The following CPED1 variants were observed in gnomAD, a reference collection of about 807,000 sequenced individuals.
CPED1 encodes the protein cadherin like and PC-esterase domain containing 1, also known as cadherin-like and PC-esterase domain-containing protein 1.
In CPED1, 114 loss-of-function variants were observed where a neutral mutation model predicts 128.2. That is an observed-to-expected ratio of 0.89 (90% CI 0.76 to 1.04). The LOEUF (loss-of-function observed/expected upper bound fraction) is 1.04, where lower values mean the gene tolerates loss of function less well. CPED1 is among the 50% of genes least tolerant of loss of function. CPED1 has a pLI of 0.00. For missense variants in CPED1, 1,211 were observed against 1,207.1 expected, an observed-to-expected ratio of 1.00 and a Z score of -0.05; for synonymous variants, 462 against 426.7, an observed-to-expected ratio of 1.08 and a Z score of -1.02.
intron 22 of CPED1, among the ~76,000 whole-genome samples, chr7:121,289,467 C>A (rs1463150071): frequency 6.6e-6 from 1 of 152,158 alleles, no homozygotes; most frequent in East Asian, 1.9e-4. Flanking sequence ...TGGTATAGAT[C>A]TTTACAGATT....
At chr7:121,133,793 A>G in intron 12 of CPED1, 30 bp from the exon 13 acceptor site, 1 of 1,485,186 alleles carries the variant, frequency 6.7e-7, no homozygotes, top group Non-Finnish European at 9.3e-7. Context: ...CATTTCATTA[A>G]TCCAGAGTTG....
chr7:121,162,723 A>T (rs1796439315), intron 16 of CPED1, among the ~76,000 whole-genome samples: 1 of 152,204 alleles, frequency 6.6e-6, no homozygotes, highest in South Asian at 2.1e-4. Flanking sequence ...GGTGTATTTT[A>T]GTTGTTACCT....
intron 7 of CPED1, among the ~76,000 whole-genome samples, chr7:121,109,377 T>G (rs181120425): frequency 6.6e-5 from 10 of 152,276 alleles, no homozygotes; most frequent in African/African-American, 2.4e-4. Flanking sequence ...CAAAACAATT[T>G]GTCCTTTCAC....
At chr7:121,224,072 T>G (rs912672753) in intron 16 of CPED1, among the ~76,000 whole-genome samples, 1 of 152,206 alleles carries the variant, frequency 6.6e-6, no homozygotes, top group African/African-American at 2.4e-5. Context: ...TTTAGATCTT[T>G]CCTGATTTCT....
At chr7:121,160,433 A>G (rs745350324) in intron 16 of CPED1, among the ~76,000 whole-genome samples, 1 of 152,148 alleles carries the variant, frequency 6.6e-6, no homozygotes, top group Non-Finnish European at 1.5e-5. Flanking sequence ...ATTGTTCATG[A>G]AGAGAGACTA....
chr7:121,130,821 A>G (rs1283298114), intron 12 of CPED1, among the ~76,000 whole-genome samples: 1 of 152,004 alleles, frequency 6.6e-6, no homozygotes, highest in Non-Finnish European at 1.5e-5. Context: ...TAGAAGGTAG[A>G]ATCTCAGAGG....
intron 16 of CPED1, among the ~76,000 whole-genome samples, chr7:121,176,565 AT>A (rs1257575740): frequency 6.6e-6 from 1 of 152,028 alleles, no homozygotes; most frequent in Non-Finnish European, 1.5e-5. Context: ...GAAAGGATTG[AT>A]TTATTAGCCA....
At chr7:121,160,116 A>T (rs199500131) in intron 16 of CPED1, among the ~76,000 whole-genome samples, 1 of 134,936 alleles carries the variant, frequency 7.4e-6, no homozygotes, top group Non-Finnish European at 1.6e-5. Context: ...GTTTTTTTTT[A>T]ATTTTTATTT....
intron 4 of CPED1, among the ~76,000 whole-genome samples, chr7:121,049,637 A>G (rs1449922212): frequency 2.0e-5 from 3 of 152,208 alleles, no homozygotes; most frequent in Admixed American, 2.0e-4. Flanking sequence ...CTTTTGCCTA[A>G]CAATACCCTT....
In CPED1 at chr7:121,142,780, G is replaced by T. The variant is rs556546632; in HGVS notation, c.2055+639G>T. On this transcript the variant is annotated intron_variant, in intron 16 of 22. Coordinates refer to ENST00000310396, the MANE Select transcript of CPED1 (RefSeq NM_024913.5). ...TTTTAAGGATCCCATGTATAACTTT[G>T]TACAGTTCCTCATATCATATACCCC... Among the ~76,000 whole-genome samples, 49 of 151,974 alleles carry T rather than the reference G, an allele frequency of 3.2e-4. 1 individual carries two copies. The highest frequency in any genetic ancestry group is 6.8e-3 in the Middle Eastern group (2 of 292).
intron 3 of CPED1, among the ~76,000 whole-genome samples, chr7:121,037,845 C>G (rs1792939889): frequency 1.3e-5 from 2 of 152,002 alleles, no homozygotes; most frequent in Non-Finnish European, 2.9e-5. Context: ...TTGTAGAGGT[C>G]CTTCACGTCC....
At chr7:121,091,757 A>T (rs1004611833) in intron 5 of CPED1, among the ~76,000 whole-genome samples, 8 of 152,202 alleles carry the variant, frequency 5.3e-5, no homozygotes, top group Non-Finnish European at 7.3e-5. Flanking sequence ...AATTTTAAAA[A>T]GTAAAGAAAT....
chr7:121,113,084 T>G (rs1795151487), intron 7 of CPED1, among the ~76,000 whole-genome samples: 1 of 152,204 alleles, frequency 6.6e-6, no homozygotes, highest in Non-Finnish European at 1.5e-5. Flanking sequence ...ATAAATAGGT[T>G]GAAAATTCAT....
At chr7:121,081,502 TCTC>T (rs1329422860) in intron 5 of CPED1, among the ~76,000 whole-genome samples, 4 of 152,144 alleles carry the variant, frequency 2.6e-5, no homozygotes, top group Non-Finnish European at 5.9e-5. Context: ...TCTTTCCACT[TCTC>T]CTAGCACCAT....
intron 14 of CPED1, among the ~76,000 whole-genome samples, chr7:121,140,097 TTTTC>T (rs1795867507): frequency 1.3e-5 from 2 of 152,202 alleles, no homozygotes; most frequent in South Asian, 2.1e-4. Context: ...TAAAACAATT[TTTTC>T]TTTCTTTCTC....
intron 17 of CPED1, among the ~76,000 whole-genome samples, chr7:121,243,438 T>A (rs1798448878): frequency 6.6e-6 from 1 of 152,228 alleles, no homozygotes; most frequent in African/African-American, 2.4e-5. Flanking sequence ...ACAGGAAAGA[T>A]CTTAAATGCA....
intron 7 of CPED1, among the ~76,000 whole-genome samples, chr7:121,101,572 CTG>C (rs1247350474): frequency 6.6e-6 from 1 of 152,150 alleles, no homozygotes; most frequent in African/African-American, 2.4e-5. Context: ...ATCGTACAAT[CTG>C]TGTCCGTTTT....
chr7:121,002,894 C>A (rs1354682800), intron 2 of CPED1, among the ~76,000 whole-genome samples: 1 of 152,126 alleles, frequency 6.6e-6, no homozygotes, highest in East Asian at 1.9e-4. Flanking sequence ...GTACGTAATC[C>A]TAAGCACATT....
At chr7:121,095,007 C>T (rs147751026) in intron 5 of CPED1, among the ~76,000 whole-genome samples, 36 of 152,226 alleles carry the variant, frequency 2.4e-4, no homozygotes, top group African/African-American at 7.5e-4. Flanking sequence ...GCATATTATG[C>T]GGGCAGGAAA....
Sources: gnomAD v4.1 joint callset for allele counts (sites outside exome capture counted in the v4.1 genomes callset) on GRCh38, gnomAD v4.1.1 for gene constraint, MANE v1.5 for transcripts, NCBI Gene and HGNC (gene_info 2026-07-23, HGNC 2026-07-21) for gene names.